The following DOCK3 variants were observed in gnomAD, a reference collection of about 807,000 sequenced individuals.
The protein encoded by DOCK3 is dedicator of cytokinesis protein 3.
In DOCK3, 60 loss-of-function variants were observed where a neutral mutation model predicts 265.6. That is an observed-to-expected ratio of 0.23 (90% CI 0.18 to 0.28). The LOEUF (loss-of-function observed/expected upper bound fraction) is 0.28, where lower values mean the gene tolerates loss of function less well. Among genes scored for constraint, DOCK3 ranks in the 10% least tolerant of loss-of-function variants. The pLI, the probability that DOCK3 is intolerant of heterozygous loss-of-function variation, is 1.00. For synonymous variants in DOCK3, 881 were observed against 938.0 expected (o/e 0.94, Z 1.11); for missense variants, 1,981 against 2,594.3 (o/e 0.76, Z 5.14).
chr3:50,913,956 A>G (rs868209110), intron 4 of DOCK3, among the ~76,000 whole-genome samples: 1 of 152,142 alleles, frequency 6.6e-6, no homozygotes, highest in Middle Eastern at 3.4e-3. Flanking sequence ...TGGAGTGGAT[A>G]CTTGTTAAAT....
At chr3:51,219,360 A>T (rs917879105) in intron 14 of DOCK3, among the ~76,000 whole-genome samples, 1 of 152,070 alleles carries the variant, frequency 6.6e-6, no homozygotes, top group Non-Finnish European at 1.5e-5. Context: ...TGTTTCATGG[A>T]ATGTTGCAAT....
intron 1 of DOCK3, among the ~76,000 whole-genome samples, chr3:50,708,364 C>T (rs982164048): frequency 6.6e-6 from 1 of 152,126 alleles, no homozygotes; most frequent in African/African-American, 2.4e-5. Context: ...CTGACCTTTT[C>T]TCAGGATATA....
At chr3:51,344,670 C>T (rs2085448062) in intron 38 of DOCK3, among the ~76,000 whole-genome samples, 1 of 152,182 alleles carries the variant, frequency 6.6e-6, no homozygotes. Context: ...GACTGGATTT[C>T]AGACACTGGT....
chr3:51,147,805 C>G (rs1160037917), intron 10 of DOCK3, among the ~76,000 whole-genome samples: 1 of 152,138 alleles, frequency 6.6e-6, no homozygotes. Flanking sequence ...AAACATACAT[C>G]TCCATGTGTC....
Position 50,953,882 on chromosome 3 carries a change from CTG to C in DOCK3, c.315+19807_315+19808del, listed in dbSNP as rs1245152394. ...TTTGAATTCTCACACAACAAAACAA[CTG>C]TATATCTACCTATTTTTTAATTTTT... On this transcript the variant is annotated intron_variant, in intron 5 of 52. Transcript: ENST00000266037. Among the ~76,000 whole-genome samples, 4 of 152,278 alleles carry C rather than the reference CTG, an allele frequency of 2.6e-5. No individual in the cohort carries two copies. The East Asian group carries it at 7.7e-4, about 29-fold the overall frequency.
At chr3:50,688,214 A>G (rs1019417991) in intron 1 of DOCK3, among the ~76,000 whole-genome samples, 4 of 152,200 alleles carry the variant, frequency 2.6e-5, no homozygotes, top group South Asian at 4.1e-4. Context: ...AAGTGCAGAC[A>G]CATTTGATGA....
intron 10 of DOCK3, among the ~76,000 whole-genome samples, chr3:51,158,847 T>A (rs551912407): frequency 6.6e-6 from 1 of 152,318 alleles, no homozygotes; most frequent in Non-Finnish European, 1.5e-5. Flanking sequence ...CTTATAGAAT[T>A]TTAGTTATTG....
At chr3:50,755,235 T>A (rs375469976) in intron 1 of DOCK3, among the ~76,000 whole-genome samples, 133 of 152,366 alleles carry the variant, frequency 8.7e-4, no homozygotes, top group African/African-American at 3.1e-3. Flanking sequence ...TGAAGTTCAT[T>A]ATTGACTAAT....
intron 5 of DOCK3, among the ~76,000 whole-genome samples, chr3:51,014,564 T>G (rs2079079875): frequency 6.6e-6 from 1 of 152,040 alleles, no homozygotes; most frequent in Admixed American, 6.6e-5. Flanking sequence ...CTCTTAAATA[T>G]AAAATTATTG....
At chr3:51,274,746 A>C (rs555193656) in intron 24 of DOCK3, among the ~76,000 whole-genome samples, 1 of 152,304 alleles carries the variant, frequency 6.6e-6, no homozygotes, top group East Asian at 1.9e-4. Context: ...ATGCCCCTGC[A>C]TTCCAGCCTG....
intron 1 of DOCK3, among the ~76,000 whole-genome samples, chr3:50,718,766 G>C (rs1379451202): frequency 7.5e-6 from 1 of 133,602 alleles, no homozygotes; most frequent in Non-Finnish European, 1.5e-5. Flanking sequence ...CAAGTTTGTG[G>C]GTTGATTTTT....
chr3:50,765,790 G>A (rs1339179501), intron 1 of DOCK3, among the ~76,000 whole-genome samples: 3 of 152,020 alleles, frequency 2.0e-5, no homozygotes, highest in Non-Finnish European at 4.4e-5. Flanking sequence ...CTCTCTTCTA[G>A]CTATTTTGAA....
intron 5 of DOCK3, among the ~76,000 whole-genome samples, chr3:50,961,286 G>C (rs2076879020): frequency 6.6e-6 from 1 of 152,114 alleles, no homozygotes; most frequent in South Asian, 2.1e-4. Context: ...GATTTTTTCT[G>C]TCAGAGTGAT....
At chr3:51,260,806 AC>A (rs1424565950) in intron 23 of DOCK3, among the ~76,000 whole-genome samples, 1 of 151,664 alleles carries the variant, frequency 6.6e-6, no homozygotes, top group Non-Finnish European at 1.5e-5. Context: ...ACATGATGAA[AC>A]CCCATCTCTA....
At chr3:50,970,769 C>T (rs1244380949) in intron 5 of DOCK3, among the ~76,000 whole-genome samples, 1 of 144,270 alleles carries the variant, frequency 6.9e-6, no homozygotes, top group Non-Finnish European at 1.5e-5. Context: ...CTCTCTTGCC[C>T]AGACTGCAGT....
intron 1 of DOCK3, among the ~76,000 whole-genome samples, chr3:50,685,225 G>C (rs1487474278): frequency 6.6e-6 from 1 of 152,098 alleles, no homozygotes; most frequent in Non-Finnish European, 1.5e-5. Context: ...TGAGCAGTTG[G>C]TTGTTTGAAA....
At chr3:50,701,320 G>A (rs1032600780) in intron 1 of DOCK3, among the ~76,000 whole-genome samples, 1 of 152,064 alleles carries the variant, frequency 6.6e-6, no homozygotes, top group South Asian at 2.1e-4. Flanking sequence ...GTCTTGCTCT[G>A]TTGCTCAGGT....
At chr3:51,007,927 AT>A (rs1178471715) in intron 5 of DOCK3, among the ~76,000 whole-genome samples, 1 of 152,010 alleles carries the variant, frequency 6.6e-6, no homozygotes, top group Non-Finnish European at 1.5e-5. Context: ...AGATCAGATG[AT>A]TATAGATGTG....
chr3:51,012,721 C>A (rs1559935278), intron 5 of DOCK3, among the ~76,000 whole-genome samples: 1 of 152,170 alleles, frequency 6.6e-6, no homozygotes, highest in Non-Finnish European at 1.5e-5. Context: ...GCAGAAATCA[C>A]CCGTCTTCTG....
Sources: gnomAD v4.1 joint callset for allele counts (sites outside exome capture counted in the v4.1 genomes callset) on GRCh38, gnomAD v4.1.1 for gene constraint, MANE v1.5 for transcripts, NCBI Gene and HGNC (gene_info 2026-07-23, HGNC 2026-07-21) for gene names.